The following AGBL3 variants were observed in gnomAD, a reference collection of about 807,000 sequenced individuals.
AGBL3 encodes the protein cytosolic carboxypeptidase 3.
Under a neutral mutation model 94.5 loss-of-function variants are expected in AGBL3, and 68 were observed. The ratio of observed to expected loss-of-function variants is 0.72; its 90% CI spans 0.59 to 0.88. AGBL3 has a LOEUF of 0.88. Among genes scored for constraint, AGBL3 ranks in the 40% least tolerant of loss-of-function variants. The pLI, the probability that AGBL3 is intolerant of heterozygous loss-of-function variation, is 0.00. For missense variants in AGBL3, 934 were observed against 1,103.8 expected (o/e 0.85, Z 2.18); for synonymous variants, 354 against 370.7 (o/e 0.95, Z 0.52).
intron 4 of AGBL3, among the ~76,000 whole-genome samples, chr7:135,001,057 A>G (rs561484707): frequency 6.6e-6 from 1 of 152,352 alleles, no homozygotes; most frequent in African/African-American, 2.4e-5. Flanking sequence ...CAGTTTTACA[A>G]TATTAGGTAG....
intron 5 of AGBL3, among the ~76,000 whole-genome samples, chr7:135,030,720 T>C (rs1471382310): frequency 6.6e-6 from 1 of 152,228 alleles, no homozygotes; most frequent in Non-Finnish European, 1.5e-5. Flanking sequence ...TGTTGGATTC[T>C]AGATACGTCC....
chr7:135,013,464 T>G (rs1267911432), intron 4 of AGBL3, among the ~76,000 whole-genome samples: 1 of 152,204 alleles, frequency 6.6e-6, no homozygotes, highest in African/African-American at 2.4e-5. Context: ...CAATCCATAT[T>G]AGAGAACAGT....
At chr7:135,092,007 A>C (rs1821923294) in intron 15 of AGBL3, among the ~76,000 whole-genome samples, 1 of 152,238 alleles carries the variant, frequency 6.6e-6, no homozygotes, top group African/African-American at 2.4e-5. Context: ...TGTAGTCTTA[A>C]CTGAGAAGTT....
intron 5 of AGBL3, among the ~76,000 whole-genome samples, chr7:135,018,065 T>C (rs1001506571): frequency 2.0e-5 from 3 of 152,164 alleles, no homozygotes; most frequent in African/African-American, 7.2e-5. Context: ...TAAAGTTTAA[T>C]TAAATTTAAT....
At chr7:135,096,245 G>A (rs1822671566) in intron 15 of AGBL3, among the ~76,000 whole-genome samples, 1 of 151,936 alleles carries the variant, frequency 6.6e-6, no homozygotes, top group Non-Finnish European at 1.5e-5. Flanking sequence ...TGTGTATATT[G>A]GGATCATGTT....
intron 16 of AGBL3, chr7:135,128,886 G>A: frequency 7.3e-7 from 1 of 1,378,446 alleles, no homozygotes; most frequent in Non-Finnish European, 1.0e-6. Flanking sequence ...CTTTGATCAA[G>A]CTCAGCAGAT....
At chr7:135,080,535 C>T (rs932231715) in intron 14 of AGBL3, among the ~76,000 whole-genome samples, 1 of 152,162 alleles carries the variant, frequency 6.6e-6, no homozygotes, top group Non-Finnish European at 1.5e-5. Context: ...ATAGAGAGGT[C>T]CACGTATTTC....
intron 5 of AGBL3, among the ~76,000 whole-genome samples, chr7:135,025,570 G>C (rs186019435): frequency 6.6e-6 from 1 of 151,544 alleles, no homozygotes; most frequent in Non-Finnish European, 1.5e-5. Flanking sequence ...CATGATGACA[G>C]GATTAAAATC....
intron 11 of AGBL3, among the ~76,000 whole-genome samples, chr7:135,058,862 T>C (rs1415427219): frequency 1.3e-5 from 2 of 152,144 alleles, no homozygotes; most frequent in African/African-American, 2.4e-5. Context: ...GCCCAGGAGA[T>C]TCTCCTGCCT....
At chr7:135,117,809 G>A (rs1326933269) in intron 16 of AGBL3, among the ~76,000 whole-genome samples, 1 of 152,180 alleles carries the variant, frequency 6.6e-6, no homozygotes, top group Non-Finnish European at 1.5e-5. Context: ...TCTGGGGACT[G>A]CCTCTTGATC....
chr7:135,045,889 A>T lies in AGBL3; in HGVS notation c.1819A>T (p.Ile607Phe). 1 of 1,546,244 alleles carries T rather than the reference A, an allele frequency of 6.5e-7. No individual in the cohort carries two copies. The highest frequency in any genetic ancestry group is 8.8e-7 in the Non-Finnish European group (1 of 1,142,424). The change falls in exon 11 of 17, where the codon ATT becomes TTT. Residue 607 changes from isoleucine to phenylalanine, a missense_variant. By Grantham distance (21) the Ile-to-Phe change is conservative. This residue lies in a region of AGBL3 where 441 missense variants were observed against 518.2 expected (regional missense o/e 0.85). Coordinates refer to ENST00000436302, the MANE Select transcript of AGBL3 (RefSeq NM_178563.4). Reference sequence around the variant, plus strand: ...GGATTCAGACACACCTGTGATAGACATTACATTGGATGTAGAGTCTAGGTA... The same window carrying T: ...GGATTCAGACACACCTGTGATAGACTTTACATTGGATGTAGAGTCTAGGTA... ...FEDSDTPVID[I>F]TLDVESSSRG...
chr7:135,026,651 T>C (rs1221953786), intron 5 of AGBL3, among the ~76,000 whole-genome samples: 3 of 151,734 alleles, frequency 2.0e-5, no homozygotes, highest in African/African-American at 7.2e-5. Flanking sequence ...GAGAGTAATA[T>C]AGTCAATACC....
intron 4 of AGBL3, among the ~76,000 whole-genome samples, chr7:135,003,951 C>T (rs1028841990): frequency 6.6e-6 from 1 of 151,146 alleles, no homozygotes; most frequent in Non-Finnish European, 1.5e-5. Context: ...CTTTTTTGTA[C>T]TAAATGCATT....
intron 15 of AGBL3, chr7:135,094,503 C>G (rs1822351293): frequency 2.2e-6 from 1 of 456,538 alleles, no homozygotes; most frequent in African/African-American, 2.0e-5. Context: ...ATAGTCTTGT[C>G]TGGAGCTTCA....
intron 16 of AGBL3, chr7:135,128,829 G>A: frequency 8.6e-7 from 1 of 1,157,988 alleles, no homozygotes; most frequent in Non-Finnish European, 1.3e-6. Flanking sequence ...AGACAGCTGT[G>A]TGCAGGATGT....
chr7:135,096,310 G>A (rs1222193139), intron 15 of AGBL3, among the ~76,000 whole-genome samples: 1 of 151,254 alleles, frequency 6.6e-6, no homozygotes, highest in Non-Finnish European at 1.5e-5. Flanking sequence ...TGCCAGCATG[G>A]CCCAAATGTC....
chr7:135,109,468 A>T (rs908575188), intron 15 of AGBL3, among the ~76,000 whole-genome samples: 15 of 151,894 alleles, frequency 9.9e-5, no homozygotes, highest in African/African-American at 3.6e-4. Flanking sequence ...GGGGGCCCAC[A>T]TAACAAACAG....
At chr7:135,077,751 T>C (rs1478345188) in intron 13 of AGBL3, among the ~76,000 whole-genome samples, 5 of 152,136 alleles carry the variant, frequency 3.3e-5, no homozygotes, top group Non-Finnish European at 5.9e-5. Flanking sequence ...TCTTAAAACG[T>C]TCACATACCA....
At chr7:135,018,067 A>T (rs999258913) in intron 5 of AGBL3, among the ~76,000 whole-genome samples, 2 of 152,214 alleles carry the variant, frequency 1.3e-5, no homozygotes, top group African/African-American at 4.8e-5. Context: ...AAGTTTAATT[A>T]AATTTAATTT....
Sources: allele counts gnomAD v4.1 joint callset (sites outside exome capture counted in the v4.1 genomes callset), GRCh38; gene constraint gnomAD v4.1.1; regional missense constraint gnomAD v4.1.1; transcripts MANE v1.5; gene names NCBI Gene and HGNC (gene_info 2026-07-23, HGNC 2026-07-21).